MED13: variants seen among roughly 807,000 people sequenced by gnomAD.
MED13 encodes mediator complex subunit 13.
In MED13, 23 loss-of-function variants were observed where a neutral mutation model predicts 225.2. The observed-to-expected ratio is 0.10, with a 90% confidence interval of 0.07 to 0.14. MED13 has a LOEUF of 0.14. MED13 is among the 10% of genes least tolerant of loss of function. The pLI, the probability that MED13 is intolerant of heterozygous loss-of-function variation, is 1.00. For missense variants in MED13, 2,197 were observed against 2,594.5 expected (o/e 0.85, Z 3.33); for synonymous variants, 942 against 889.2 (o/e 1.06, Z -1.06).
At chr17:62,042,467 C>A (rs1305872831) in intron 3 of MED13, among the ~76,000 whole-genome samples, 1 of 145,202 alleles carries the variant, frequency 6.9e-6, no homozygotes, top group Non-Finnish European at 1.5e-5. Context: ...GAGGCTGAGG[C>A]AGGAGAATCG....
At chr17:62,044,220 C>T (rs1192508397) in intron 3 of MED13, among the ~76,000 whole-genome samples, 3 of 151,246 alleles carry the variant, frequency 2.0e-5, no homozygotes, top group African/African-American at 7.3e-5. Flanking sequence ...CATATTCTTT[C>T]ATTTACTTCC....
chr17:62,029,367 T>G, intron 8 of MED13, 174 bp downstream of exon 8: 1 of 586,156 alleles, frequency 1.7e-6, no homozygotes, highest in East Asian at 2.8e-5. Context: ...AGCTTATATT[T>G]ACATGTACTT....
At position 62,063,321 on chromosome 17, in the gene MED13, A is replaced by G; in HGVS notation, c.67-20T>C. On this transcript the variant is annotated intron_variant, in intron 1 of 29. Coordinates refer to ENST00000397786, the MANE Select transcript of MED13 (RefSeq NM_005121.3). Reference sequence around the variant, plus strand: ...GTCAGCCTGAAGGAAAGAAAGCATTAAGTTTTATTACTGCATATTCACTCA... The same window carrying G: ...GTCAGCCTGAAGGAAAGAAAGCATTGAGTTTTATTACTGCATATTCACTCA... The G allele has an allele frequency of 6.5e-7, 1 of 1,536,380 alleles. No homozygotes were observed.
At chr17:62,049,049 G>T (rs546352456) in intron 3 of MED13, among the ~76,000 whole-genome samples, 30 of 115,108 alleles carry the variant, frequency 2.6e-4, no homozygotes, top group African/African-American at 1.2e-3. Flanking sequence ...CTACTCTCAG[G>T]TTGGGCACCA....
chr17:62,021,488 G>T (rs1339490017), intron 8 of MED13, among the ~76,000 whole-genome samples: 1 of 152,000 alleles, frequency 6.6e-6, no homozygotes, highest in Non-Finnish European at 1.5e-5. Context: ...CCCAGTAGGG[G>T]CGGCCGGGCA....
intron 16 of MED13, among the ~76,000 whole-genome samples, chr17:61,976,998 A>G (rs2080162675): frequency 1.3e-5 from 2 of 152,212 alleles, no homozygotes; most frequent in Non-Finnish European, 2.9e-5. Flanking sequence ...GTAGACTTTT[A>G]AATTCATTCA....
intron 16 of MED13, among the ~76,000 whole-genome samples, chr17:61,976,483 T>A (rs971799816): frequency 6.6e-6 from 1 of 152,212 alleles, no homozygotes; most frequent in African/African-American, 2.4e-5. Flanking sequence ...ACTGTGTTGA[T>A]GACTGTCCAA....
In MED13 at chr17:62,060,621, C is replaced by T. The variant is rs538989270; in HGVS notation, c.301+2446G>A. On this transcript the variant is annotated intron_variant, in intron 2 of 29. Coordinates refer to ENST00000397786, the MANE Select transcript of MED13 (RefSeq NM_005121.3). ...GATCACGCCACTGCACTCCAGCCCG[C>T]GGGACAGAATGAGACTCCGTCTCAA... Among the ~76,000 whole-genome samples the T allele has an allele frequency of 1.4e-4, 20 of 141,770 alleles. No homozygotes were observed. In the East Asian group the frequency reaches 4.3e-3, roughly 30 times the overall value. The allele number at this position is 141,770 out of a possible 152,430, so 93.0% of individuals were successfully genotyped here.
At chr17:61,984,936 T>C (rs2080235065) in intron 13 of MED13, 64 bp downstream of exon 13, 2 of 1,593,026 alleles carry the variant, frequency 1.3e-6, no homozygotes, top group Non-Finnish European at 8.6e-7. Context: ...CCAAAAGGAG[T>C]GGGGAGCTTT....
chr17:61,946,876 A>G, intron 29 of MED13, 41 bp downstream of exon 29: 3 of 1,501,598 alleles, frequency 2.0e-6, no homozygotes, highest in Non-Finnish European at 2.8e-6. Context: ...ATATTCTTTT[A>G]AAGTTGCAGT....
intron 9 of MED13, among the ~76,000 whole-genome samples, chr17:61,997,008 TAC>T (rs1318397864): frequency 1.3e-5 from 2 of 152,320 alleles, no homozygotes; most frequent in Non-Finnish European, 2.9e-5. Flanking sequence ...AAACAATTTT[TAC>T]ACACTAGAAG....
In MED13 at chr17:61,946,797, C is replaced by T; in HGVS notation, c.6392+120G>A. The stretch of plus-strand genomic sequence containing the variant: ...CTCAAGTTAGAATAGCAGTGTTTAT[C>T]TAGAGATCCACTGGTACACAACTGT... On this transcript the variant is annotated intron_variant, in intron 29 of 29. Transcript: ENST00000397786. The T allele has an allele frequency of 2.8e-6, 3 of 1,089,538 alleles. No homozygotes were observed. In the South Asian group the frequency reaches 4.3e-5, roughly 16 times the overall value. The allele number at this position is 1,089,538 out of a possible 1,614,324, so 67.5% of individuals were successfully genotyped here. A position where few individuals can be genotyped will look rare whatever the true frequency, so the allele number is the denominator to read the frequency against.
At chr17:61,975,674 G>A (rs1014527806) in intron 16 of MED13, among the ~76,000 whole-genome samples, 4 of 152,118 alleles carry the variant, frequency 2.6e-5, no homozygotes, top group South Asian at 2.1e-4. Context: ...AGCCAAGATC[G>A]TACCCCACTG....
chr17:62,005,352 T>G (rs371690649), intron 9 of MED13: 1 of 152,088 alleles, frequency 6.6e-6, no homozygotes, highest in Non-Finnish European at 1.5e-5. Context: ...GTGTCTGTAA[T>G]CCCAGCACTT....
chr17:61,962,036 C>G (rs2080005394), intron 21 of MED13, among the ~76,000 whole-genome samples: 1 of 151,992 alleles, frequency 6.6e-6, no homozygotes, highest in Non-Finnish European at 1.5e-5. Flanking sequence ...ACCTGTAATC[C>G]CAGCACTTTG....
intron 3 of MED13, among the ~76,000 whole-genome samples, chr17:62,046,450 T>C (rs1469041408): frequency 6.6e-6 from 1 of 152,216 alleles, no homozygotes; most frequent in African/African-American, 2.4e-5. Flanking sequence ...TTAGTTCCCC[T>C]CCTAAATGGG....
intron 20 of MED13, among the ~76,000 whole-genome samples, chr17:61,963,814 T>C (rs2080029118): frequency 6.6e-6 from 1 of 152,188 alleles, no homozygotes; most frequent in African/African-American, 2.4e-5. Context: ...ACAGATATAA[T>C]TAAGCTCTGG....
At chr17:62,045,479 C>T (rs924164586) in intron 3 of MED13, among the ~76,000 whole-genome samples, 81 of 151,812 alleles carry the variant, frequency 5.3e-4, no homozygotes, top group Non-Finnish European at 1.2e-4. Flanking sequence ...GTTATGATTG[C>T]GCTACTGCCA....
chr17:61,966,541 C>A lies in MED13; in HGVS notation c.4302G>T (p.Trp1434Cys), dbSNP rs762038323. The change falls in exon 19 of 30, where the codon TGG becomes TGT. Residue 1434 changes from tryptophan (W) to cysteine (C), a missense_variant. This residue lies in a region of MED13 where 457 missense variants were observed against 442.2 expected (regional missense o/e 1.03). Transcript: ENST00000397786. ...TGTTACCGTCAGCTGCCTGAGAAAA[C>A]CATTCTGCTACCAACTTTTCTGATA... ...KKLSEKLVAE[W>C]FSQAADGNNE... 3 of 1,613,842 alleles carry A rather than the reference C, an allele frequency of 1.9e-6. No individual in the cohort carries two copies. Among genetic ancestry groups the A allele is most frequent in the African/African-American group, 2.7e-5 (2 of 74,922 alleles).
Sources: allele counts gnomAD v4.1 joint callset (sites outside exome capture counted in the v4.1 genomes callset), GRCh38; gene constraint gnomAD v4.1.1; regional missense constraint gnomAD v4.1.1; transcripts MANE v1.5; gene names NCBI Gene and HGNC (gene_info 2026-07-23, HGNC 2026-07-21).